MUSK: variants seen among roughly 807,000 people sequenced by gnomAD.
The protein encoded by MUSK is muscle, skeletal receptor tyrosine-protein kinase.
Under a neutral mutation model 88.7 loss-of-function variants are expected in MUSK, and 55 were observed. The observed-to-expected ratio is 0.62, with a 90% CI of 0.50 to 0.78. MUSK has a LOEUF of 0.78. Ranked by LOEUF, MUSK falls within the 30% of genes least tolerant of loss-of-function variation. The pLI is 0.00. For synonymous variants in MUSK, 387 were observed against 391.9 expected (o/e 0.99, Z 0.15); for missense variants, 1,015 against 1,074.3 (o/e 0.94, Z 0.77).
At chr9:110,752,234 T>A (rs965908528) in intron 7 of MUSK, among the ~76,000 whole-genome samples, 1 of 152,164 alleles carries the variant, frequency 6.6e-6, no homozygotes. Context: ...AGAAGCCCCA[T>A]GAAGGTCCCT....
At chr9:110,681,017 ATATATTATATATTATATAT>A (rs1185708481) in intron 1 of MUSK, among the ~76,000 whole-genome samples, 1 of 24,354 alleles carries the variant, frequency 4.1e-5, no homozygotes, top group Non-Finnish European at 6.8e-5. Context: ...TATATATAAT[ATATATTATATATTATATAT>A]TATATAATAT....
In MUSK at chr9:110,803,094, C is replaced by T. The variant is rs74587164; in HGVS notation, c.*2106C>T. ...GCTCTGCAAAATTCAAAGACAGCTTCGGGCTTTCTCCGCTGATAAAGTTTT... is the reference window on the plus strand; with the variant it reads ...GCTCTGCAAAATTCAAAGACAGCTTTGGGCTTTCTCCGCTGATAAAGTTTT... On this transcript the variant is annotated 3_prime_UTR_variant, in exon 15 of 15. Coordinates refer to ENST00000374448, the MANE Select transcript of MUSK (RefSeq NM_005592.4). 0.018 allele frequency among the ~76,000 whole-genome samples: 2,727 copies of T among 152,254 alleles called. 52 individuals are homozygous for T. The highest frequency in any genetic ancestry group is 0.094 in the South Asian group (453 of 4,832).
At chr9:110,698,919 G>C (rs2076467284) in intron 5 of MUSK, among the ~76,000 whole-genome samples, 1 of 151,810 alleles carries the variant, frequency 6.6e-6, no homozygotes, top group Admixed American at 6.6e-5. Context: ...GTGTTTTCTT[G>C]TTCTGTCTAA....
At chr9:110,712,224 T>C (rs1396447044) in intron 5 of MUSK, among the ~76,000 whole-genome samples, 3 of 152,110 alleles carry the variant, frequency 2.0e-5, no homozygotes, top group African/African-American at 7.2e-5. Flanking sequence ...ACTGACATTT[T>C]ATCCATTCCT....
At chr9:110,691,150 C>A (rs1311179992) in intron 3 of MUSK, among the ~76,000 whole-genome samples, 1 of 152,024 alleles carries the variant, frequency 6.6e-6, no homozygotes, top group African/African-American at 2.4e-5. Flanking sequence ...CAGGCATGAG[C>A]CTGTTTGTGT....
rs962915681 is a variant in MUSK at position 110,693,960 on chromosome 9, A to T, written c.359-1443A>T. On this transcript the variant is annotated intron_variant, in intron 3 of 14. Transcript: ENST00000374448. The stretch of plus-strand genomic sequence containing the variant: ...CATGTAGGTATTTACAGTTTATTAG[A>T]AGGAGAGTTGTATGCTATAGATAGC... Among the ~76,000 whole-genome samples, 107 of 152,074 alleles carry T rather than the reference A, an allele frequency of 7.0e-4. 6 individuals are homozygous for T. Among genetic ancestry groups the T allele is most frequent in the Non-Finnish European group, 1.5e-5 (1 of 68,006 alleles).
chr9:110,764,148 C>T (rs543036136), intron 8 of MUSK, among the ~76,000 whole-genome samples: 4 of 152,232 alleles, frequency 2.6e-5, no homozygotes, highest in Admixed American at 1.3e-4. Context: ...CTGATGATTC[C>T]GAAATAACCA....
At chr9:110,679,451 C>T (rs2076078490) in intron 1 of MUSK, among the ~76,000 whole-genome samples, 1 of 151,740 alleles carries the variant, frequency 6.6e-6, no homozygotes, top group Admixed American at 6.6e-5. Context: ...TTATTTTTAA[C>T]ATTTCTGTTT....
intron 6 of MUSK, among the ~76,000 whole-genome samples, chr9:110,740,538 C>T (rs185247073): frequency 2.0e-4 from 31 of 152,138 alleles, no homozygotes; most frequent in Admixed American, 6.5e-4. Flanking sequence ...AGGTTTCTTC[C>T]TCTAAATTAA....
chr9:110,709,104 C>A (rs1348468060), intron 5 of MUSK, among the ~76,000 whole-genome samples: 1 of 152,168 alleles, frequency 6.6e-6, no homozygotes, highest in African/African-American at 2.4e-5. Flanking sequence ...GGCCATGCCT[C>A]CACTGGGCTT....
intron 5 of MUSK, among the ~76,000 whole-genome samples, chr9:110,733,691 T>C (rs931460126): frequency 2.0e-5 from 3 of 152,064 alleles, no homozygotes; most frequent in African/African-American, 7.2e-5. Context: ...TAAAATACTA[T>C]CCTGTGCTTG....
chr9:110,679,118 G>T (rs544173641), intron 1 of MUSK, among the ~76,000 whole-genome samples: 34 of 151,874 alleles, frequency 2.2e-4, no homozygotes, highest in African/African-American at 7.7e-4. Context: ...TGTTAATTTT[G>T]ATGTTTATAT....
intron 5 of MUSK, among the ~76,000 whole-genome samples, chr9:110,712,132 A>G (rs1273879951): frequency 1.3e-5 from 2 of 149,548 alleles, no homozygotes; most frequent in Non-Finnish European, 3.0e-5. Context: ...AATGAGTTAA[A>G]TAAAACCTTT....
intron 3 of MUSK, among the ~76,000 whole-genome samples, chr9:110,687,509 A>G (rs1163528842): frequency 6.6e-6 from 1 of 151,130 alleles, no homozygotes. Context: ...TAATTTTTCT[A>G]TTTTCAGAAT....
Position 110,800,458 on chromosome 9 carries a change from C to A in MUSK, c.2080C>A (p.Pro694Thr). 1 of 1,613,836 alleles carries A rather than the reference C, an allele frequency of 6.2e-7. No homozygotes were observed. Among genetic ancestry groups the A allele is most frequent in the Non-Finnish European group, 8.5e-7 (1 of 1,179,852 alleles). ...GAGGGCTCAGGTCTCCAGCCCTGGG[C>A]CCCCACCCCTCTCCTGTGCTGAGCA... ...SMRAQVSSPG[P>T]PPLSCAEQLC... is the part of the protein sequence containing the mutation. The change falls in exon 15 of 15, where the codon CCC becomes ACC. Residue 694 changes from proline to threonine, a missense_variant. Coordinates refer to ENST00000374448, the MANE Select transcript of MUSK (RefSeq NM_005592.4).
At chr9:110,725,624 G>A (rs1395213940) in intron 5 of MUSK, among the ~76,000 whole-genome samples, 2 of 151,878 alleles carry the variant, frequency 1.3e-5, no homozygotes, top group African/African-American at 4.8e-5. Flanking sequence ...CCCCACTAAT[G>A]CAACTGGCAA....
At chr9:110,754,316 C>T (rs1399417892) in intron 7 of MUSK, among the ~76,000 whole-genome samples, 3 of 152,086 alleles carry the variant, frequency 2.0e-5, no homozygotes, top group Non-Finnish European at 4.4e-5. Context: ...TTTTTGCTGA[C>T]TTCTAGATAA....
chr9:110,765,890 A>T (rs1176213945), intron 8 of MUSK, among the ~76,000 whole-genome samples: 1 of 152,054 alleles, frequency 6.6e-6, no homozygotes, highest in Non-Finnish European at 1.5e-5. Context: ...ATCCATTTTT[A>T]TGCTTAGGTT....
intron 14 of MUSK, among the ~76,000 whole-genome samples, chr9:110,788,988 T>C (rs1588043878): frequency 6.6e-6 from 1 of 152,156 alleles, no homozygotes; most frequent in African/African-American, 2.4e-5. Context: ...GAGTGAAAGA[T>C]GGGGAGAGTT....
Sources: gnomAD v4.1 joint callset for allele counts (sites outside exome capture counted in the v4.1 genomes callset) on GRCh38, gnomAD v4.1.1 for gene constraint, MANE v1.5 for transcripts, NCBI Gene and HGNC (gene_info 2026-07-23, HGNC 2026-07-21) for gene names.